SCD5: variants seen among roughly 807,000 people sequenced by gnomAD.
SCD5 encodes the protein stearoyl-CoA desaturase 5.
In SCD5, 20 loss-of-function variants were observed where a neutral mutation model predicts 30.4. The observed-to-expected ratio is 0.66, with a 90% CI of 0.46 to 0.96. The LOEUF (loss-of-function observed/expected upper bound fraction) is 0.96, where lower values mean the gene tolerates loss of function less well. Among genes scored for constraint, SCD5 ranks in the 40% least tolerant of loss-of-function variants. The probability of loss-of-function intolerance (pLI) is 0.00; values close to 1 mark genes in which losing one functional copy is unlikely to be tolerated. For missense variants in SCD5, 381 were observed against 443.3 expected, an observed-to-expected ratio of 0.86 and a Z score of 1.26; for synonymous variants, 173 against 176.4, an observed-to-expected ratio of 0.98 and a Z score of 0.16.
chr4:82,798,093 G>A (rs1352721325), intron 1 of SCD5, among the ~76,000 whole-genome samples: 2 of 151,052 alleles, frequency 1.3e-5, no homozygotes, highest in East Asian at 4.0e-4. Context: ...GGGCGGGGGG[G>A]GGGCGGAAGT....
At chr4:82,692,901 G>C (rs1719590804) in intron 2 of SCD5, among the ~76,000 whole-genome samples, 1 of 152,198 alleles carries the variant, frequency 6.6e-6, no homozygotes, top group South Asian at 2.1e-4. Context: ...CCCTGAGGGA[G>C]AGGCTGAAGC....
At chr4:82,792,312 C>T (rs1722114728) in intron 1 of SCD5, among the ~76,000 whole-genome samples, 3 of 152,110 alleles carry the variant, frequency 2.0e-5, no homozygotes, top group African/African-American at 7.2e-5. Context: ...TACTCCAAGT[C>T]GGAGACAGAC....
Position 82,630,383 on chromosome 4 carries a change from C to T in SCD5, c.*944G>A, listed in dbSNP as rs1250330756. On this transcript the variant is annotated 3_prime_UTR_variant, in exon 5 of 5. Transcript: ENST00000319540. The stretch of plus-strand genomic sequence containing the variant: ...CACACACACACAATAATTAACAAAA[C>T]AGAAACATTCTTTAGTTACCACATA... The T allele has an allele frequency of 3.3e-5, 5 of 152,092 alleles. No homozygotes were observed. The highest frequency in any genetic ancestry group is 2.9e-5 in the Non-Finnish European group (2 of 68,018). The allele number at this position is 152,092 out of a possible 1,614,324, so 9.4% of individuals were successfully genotyped here. A position where few individuals can be genotyped will look rare whatever the true frequency, so the allele number is the denominator to read the frequency against.
chr4:82,747,849 A>G (rs142353375), intron 1 of SCD5, among the ~76,000 whole-genome samples: 258 of 152,306 alleles, frequency 1.7e-3, no homozygotes, highest in African/African-American at 5.8e-3. Context: ...AGCTTGGAAT[A>G]GTAGGGTTAA....
intron 1 of SCD5, among the ~76,000 whole-genome samples, chr4:82,717,873 A>G (rs1720262323): frequency 6.6e-6 from 1 of 151,614 alleles, no homozygotes; most frequent in Non-Finnish European, 1.5e-5. Context: ...CCGAGGTGGT[A>G]CCACTGCACT....
At chr4:82,698,541 T>C (rs1314176586) in intron 2 of SCD5, among the ~76,000 whole-genome samples, 1 of 152,238 alleles carries the variant, frequency 6.6e-6, no homozygotes, top group Non-Finnish European at 1.5e-5. Flanking sequence ...GCCTAAGACC[T>C]GGCAGTGCCT....
chr4:82,685,022 T>C (rs761830883), intron 2 of SCD5, among the ~76,000 whole-genome samples: 20 of 152,218 alleles, frequency 1.3e-4, no homozygotes, highest in Admixed American at 2.6e-4. Context: ...AATTATTGTA[T>C]TAAATTTGCA....
At chr4:82,653,154 C>A (rs1568931) in intron 3 of SCD5, among the ~76,000 whole-genome samples, 144,914 of 152,228 alleles carry the variant, frequency 0.95, 69,075 homozygotes, top group East Asian at 1. Flanking sequence ...ACCCTGTTTC[C>A]AGAAAAAGAG....
At chr4:82,714,164 T>C (rs1442381788) in intron 1 of SCD5, among the ~76,000 whole-genome samples, 1 of 152,232 alleles carries the variant, frequency 6.6e-6, no homozygotes, top group Non-Finnish European at 1.5e-5. Flanking sequence ...TTCTCTTATG[T>C]TAAAAAGCAA....
chr4:82,654,007 T>A (rs1727816474), intron 3 of SCD5, among the ~76,000 whole-genome samples: 1 of 152,028 alleles, frequency 6.6e-6, no homozygotes. Flanking sequence ...AGCTTCTGTC[T>A]CCCAGGTTCA....
At chr4:82,765,301 A>G (rs1721462964) in intron 1 of SCD5, among the ~76,000 whole-genome samples, 1 of 152,166 alleles carries the variant, frequency 6.6e-6, no homozygotes, top group Non-Finnish European at 1.5e-5. Flanking sequence ...TCAGTGCATT[A>G]AAGATATTAC....
intron 1 of SCD5, among the ~76,000 whole-genome samples, chr4:82,752,808 T>C (rs944723197): frequency 6.6e-6 from 1 of 152,172 alleles, no homozygotes; most frequent in African/African-American, 2.4e-5. Context: ...TAAATAAACT[T>C]ACTCCAGTGT....
At chr4:82,787,211 T>A (rs773060521) in intron 1 of SCD5, among the ~76,000 whole-genome samples, 2 of 152,216 alleles carry the variant, frequency 1.3e-5, no homozygotes, top group Non-Finnish European at 2.9e-5. Flanking sequence ...ACTTGAAAGA[T>A]GTGGAAAATG....
intron 1 of SCD5, among the ~76,000 whole-genome samples, chr4:82,784,163 A>G (rs1721939072): frequency 6.6e-6 from 1 of 152,196 alleles, no homozygotes; most frequent in Admixed American, 6.5e-5. Flanking sequence ...TCACAGTAAA[A>G]TGGTTTCAAA....
At chr4:82,779,845 A>G (rs11099552) in intron 1 of SCD5, among the ~76,000 whole-genome samples, 6,958 of 152,344 alleles carry the variant, frequency 0.046, 218 homozygotes, top group African/African-American at 0.09. Flanking sequence ...TTGCACTACA[A>G]TAATGCCCAC....
intron 1 of SCD5, among the ~76,000 whole-genome samples, chr4:82,772,085 T>C (rs1002002321): frequency 6.6e-6 from 1 of 152,154 alleles, no homozygotes; most frequent in Non-Finnish European, 1.5e-5. Flanking sequence ...ATAAAAAAAA[T>C]TTTGATGGCG....
intron 1 of SCD5, among the ~76,000 whole-genome samples, chr4:82,746,973 A>AATG (rs1721001476): frequency 6.7e-6 from 1 of 149,068 alleles, no homozygotes; most frequent in African/African-American, 2.5e-5. Context: ...GGAGAGGAGG[A>AATG]ACGGGGAACA....
At chr4:82,679,262 AGG>A (rs1277209767) in intron 3 of SCD5, among the ~76,000 whole-genome samples, 3,495 of 104,506 alleles carry the variant, frequency 0.033, 242 homozygotes, top group South Asian at 0.073. Context: ...GAAAGAAAGA[AGG>A]AAGGAAAGAA....
At chr4:82,656,863 T>C (rs1176449092) in intron 3 of SCD5, among the ~76,000 whole-genome samples, 1 of 152,218 alleles carries the variant, frequency 6.6e-6, no homozygotes, top group African/African-American at 2.4e-5. Context: ...GATAATGAGC[T>C]TTTTTTCATA....
Sources: allele counts gnomAD v4.1 joint callset (sites outside exome capture counted in the v4.1 genomes callset), GRCh38; gene constraint gnomAD v4.1.1; transcripts MANE v1.5; gene names NCBI Gene and HGNC (gene_info 2026-07-23, HGNC 2026-07-21).